The following RYK variants were observed in gnomAD, a reference collection of about 807,000 sequenced individuals.
RYK encodes inactive tyrosine-protein kinase RYK.
Under a neutral mutation model 70.2 loss-of-function variants are expected in RYK, and 21 were observed. The observed-to-expected ratio is 0.30, with a 90% CI of 0.21 to 0.43. The LOEUF (loss-of-function observed/expected upper bound fraction) is 0.43, where lower values mean the gene tolerates loss of function less well. Ranked by LOEUF, RYK falls within the 20% of genes least tolerant of loss-of-function variation. RYK has a pLI of 1.00. For synonymous variants in RYK, 267 were observed against 278.0 expected (o/e 0.96, Z 0.39); for missense variants, 604 against 753.3 (o/e 0.80, Z 2.32).
intron 5 of RYK, among the ~76,000 whole-genome samples, chr3:134,206,989 AAAG>A (rs953481782): frequency 6.6e-5 from 10 of 152,216 alleles, no homozygotes; most frequent in African/African-American, 2.2e-4. Context: ...CAGAAAAAAA[AAAG>A]AAGTTTGTAA....
rs749992286 is a variant in RYK at position 134,202,691 on chromosome 3, T to C, written c.788+39A>G. On this transcript the variant is annotated intron_variant, in intron 6 of 14. Coordinates refer to ENST00000623711, the MANE Select transcript of RYK (RefSeq NM_002958.4). Reference sequence around the variant, plus strand: ...GGGCTCCCACATATATACAAATAACTGCTTTCATTTTTTTTCTTTCCCAAA... The same window carrying C: ...GGGCTCCCACATATATACAAATAACCGCTTTCATTTTTTTTCTTTCCCAAA... 9.4e-6 allele frequency: 15 copies of C among 1,592,966 alleles called. No individual in the cohort carries two copies. The South Asian group carries it at 1.6e-4, about 17-fold the overall frequency.
At chr3:134,189,370 G>T (rs748021957) in intron 8 of RYK, among the ~76,000 whole-genome samples, 2 of 152,118 alleles carry the variant, frequency 1.3e-5, no homozygotes, top group Non-Finnish European at 2.9e-5. Flanking sequence ...GATCCAGACA[G>T]TCCTGGGTTC....
At chr3:134,211,091 T>A (rs967741639) in intron 3 of RYK, among the ~76,000 whole-genome samples, 1 of 152,016 alleles carries the variant, frequency 6.6e-6, no homozygotes, top group African/African-American at 2.4e-5. Flanking sequence ...TGGTAAAGGA[T>A]CCAGGACACA....
At chr3:134,160,178 G>A (rs2012408803) in intron 13 of RYK, among the ~76,000 whole-genome samples, 1 of 152,140 alleles carries the variant, frequency 6.6e-6, no homozygotes, top group South Asian at 2.1e-4. Flanking sequence ...TCAGGTTTAT[G>A]AGTACCTACA....
In RYK at chr3:134,211,862, G is replaced by C. The variant is rs539621777; in HGVS notation, c.355-255C>G. 9.2e-5 allele frequency among the ~76,000 whole-genome samples: 14 copies of C among 152,302 alleles called. No individual in the cohort carries two copies. The East Asian group carries it at 2.3e-3, about 25-fold the overall frequency. ...TCTTCCATAAAACCTGCCATCTAGG[G>C]TCAGAAATCCTGCTGAGAACTATGC... On this transcript the variant is annotated intron_variant, in intron 2 of 14. Coordinates refer to ENST00000623711, the MANE Select transcript of RYK (RefSeq NM_002958.4).
At chr3:134,223,075 G>A (rs965610093) in intron 1 of RYK, among the ~76,000 whole-genome samples, 16 of 152,182 alleles carry the variant, frequency 1.1e-4, no homozygotes, top group Non-Finnish European at 2.9e-5. Flanking sequence ...TGCACCAGGT[G>A]TTTTGCAGGC....
intron 13 of RYK, among the ~76,000 whole-genome samples, chr3:134,167,715 C>A (rs2012728746): frequency 6.6e-6 from 1 of 152,150 alleles, no homozygotes; most frequent in Non-Finnish European, 1.5e-5. Flanking sequence ...TAGGCATGAG[C>A]AAGGACTTCA....
intron 1 of RYK, among the ~76,000 whole-genome samples, chr3:134,250,104 A>G (rs2107702061): frequency 6.6e-6 from 1 of 152,188 alleles, no homozygotes; most frequent in East Asian, 1.9e-4. Context: ...CAGCAAGGAA[A>G]AAAAGTTGTA....
chr3:134,174,347 G>C (rs75615597), intron 13 of RYK, among the ~76,000 whole-genome samples: 50 of 152,254 alleles, frequency 3.3e-4, no homozygotes, highest in Non-Finnish European at 6.5e-4. Context: ...CTCATACACC[G>C]AGGAAATGAG....
chr3:134,221,436 C>G (rs1304060432), intron 2 of RYK, among the ~76,000 whole-genome samples: 1 of 151,906 alleles, frequency 6.6e-6, no homozygotes, highest in Admixed American at 6.6e-5. Flanking sequence ...ATCTCCTGAC[C>G]TTGTGATCCA....
chr3:134,249,573 A>G (rs543469905), intron 1 of RYK, among the ~76,000 whole-genome samples: 212 of 152,298 alleles, frequency 1.4e-3, no homozygotes, highest in Non-Finnish European at 2.4e-3. Context: ...TCCAGAATCC[A>G]CAAAGTCCTA....
chr3:134,216,467 T>G (rs574939336), intron 2 of RYK, among the ~76,000 whole-genome samples: 1 of 152,148 alleles, frequency 6.6e-6, no homozygotes, highest in African/African-American at 2.4e-5. Flanking sequence ...TCTGCTACAT[T>G]CTGGCAAATT....
chr3:134,249,917 G>GGTTTTTTTTTT (rs1172115107), intron 1 of RYK, among the ~76,000 whole-genome samples: 1 of 93,366 alleles, frequency 1.1e-5, no homozygotes, highest in African/African-American at 5.3e-5. Context: ...TTTCTCTCTC[G>GGTTTTTTTTTT]TTTTTTTTTT....
chr3:134,217,996 TA>T (rs535004368), intron 2 of RYK, among the ~76,000 whole-genome samples: 1 of 152,166 alleles, frequency 6.6e-6, no homozygotes, highest in African/African-American at 2.4e-5. Flanking sequence ...AGTTTTTTAC[TA>T]AAAAAACATC....
intron 3 of RYK, among the ~76,000 whole-genome samples, chr3:134,210,834 T>C (rs1194755230): frequency 6.6e-6 from 1 of 151,782 alleles, no homozygotes; most frequent in Non-Finnish European, 1.5e-5. Flanking sequence ...TTCTAAGGGG[T>C]AGGAAGAATA....
chr3:134,158,872 G>C (rs995483618), intron 14 of RYK, among the ~76,000 whole-genome samples: 3 of 152,118 alleles, frequency 2.0e-5, no homozygotes, highest in Non-Finnish European at 2.9e-5. Context: ...AAATGACAAC[G>C]AGAGAGGTTT....
chr3:134,157,850 AAACTGTTTATTT>A lies in RYK; in HGVS notation c.*291_*302del. 4.5e-6 allele frequency: 1 copy of A among 221,242 alleles called. No homozygotes were observed. The highest frequency in any genetic ancestry group is 8.8e-6 in the Non-Finnish European group (1 of 114,068). 13.7% of individuals were successfully genotyped at this position (221,242 alleles called of 1,614,324 possible). A position where few individuals can be genotyped will look rare whatever the true frequency, so the allele number is the denominator to read the frequency against. Reference sequence around the variant, plus strand: ...AATATCTGTGTCTAAACAATTTTAAAAACTGTTTATTTATTTTGTAAGAATGTACCCCTAGTC... The same window carrying A: ...AATATCTGTGTCTAAACAATTTTAAAATTTTGTAAGAATGTACCCCTAGTC... On this transcript the variant is annotated 3_prime_UTR_variant, in exon 15 of 15. Coordinates refer to ENST00000623711, the MANE Select transcript of RYK (RefSeq NM_002958.4).
chr3:134,188,775 G>T, intron 9 of RYK, 62 bp downstream of exon 9: 2 of 955,066 alleles, frequency 2.1e-6, no homozygotes, highest in South Asian at 1.5e-5. Flanking sequence ...ACAGAATTTT[G>T]CTGGCAGGAG....
intron 2 of RYK, among the ~76,000 whole-genome samples, chr3:134,216,566 G>A (rs574259152): frequency 5.9e-5 from 9 of 152,016 alleles, no homozygotes; most frequent in Non-Finnish European, 1.3e-4. Context: ...GCTGAGGCGG[G>A]TGGATCACGA....
Sources: allele counts gnomAD v4.1 joint callset (sites outside exome capture counted in the v4.1 genomes callset), GRCh38; gene constraint gnomAD v4.1.1; transcripts MANE v1.5; gene names NCBI Gene and HGNC (gene_info 2026-07-23, HGNC 2026-07-21).